RABGAP1: variants seen among roughly 807,000 people sequenced by gnomAD.
RABGAP1 encodes the protein rab GTPase-activating protein 1.
In RABGAP1, 23 loss-of-function variants were observed where a neutral mutation model predicts 137.6. The observed-to-expected ratio is 0.17, with a 90% CI of 0.12 to 0.24. The LOEUF (loss-of-function observed/expected upper bound fraction) is 0.24, where lower values mean the gene tolerates loss of function less well. RABGAP1 is among the 10% of genes least tolerant of loss of function. The probability of loss-of-function intolerance (pLI) is 1.00; values close to 1 mark genes in which losing one functional copy is unlikely to be tolerated. For missense variants in RABGAP1, 906 were observed against 1,275.8 expected (o/e 0.71, Z 4.42); for synonymous variants, 451 against 450.7 (o/e 1.00, Z -0.01).
chr9:122,973,776 G>A (rs1400243326), intron 2 of RABGAP1, among the ~76,000 whole-genome samples: 6 of 151,818 alleles, frequency 4.0e-5, no homozygotes, highest in South Asian at 2.1e-4. Context: ...TTGGGAGGCC[G>A]AGGCGGGCAG....
chr9:122,968,204 A>G (rs1304019821), intron 2 of RABGAP1, among the ~76,000 whole-genome samples: 1 of 151,630 alleles, frequency 6.6e-6, no homozygotes, highest in Non-Finnish European at 1.5e-5. Flanking sequence ...TTGTGTTACA[A>G]ACAATTCAAT....
chr9:122,986,996 G>T (rs533289480), intron 4 of RABGAP1, among the ~76,000 whole-genome samples: 1 of 151,992 alleles, frequency 6.6e-6, no homozygotes, highest in Admixed American at 6.6e-5. Flanking sequence ...AATTAGCCAC[G>T]CATGGTCATA....
Position 122,986,307 on chromosome 9 carries a change from G to A in RABGAP1, c.478G>A (p.Ala160Thr), listed in dbSNP as rs764830518. 17 of 1,614,104 alleles carry A rather than the reference G, an allele frequency of 1.1e-5. No individual in the cohort carries two copies. Among genetic ancestry groups the A allele is most frequent in the Admixed American group, 1.7e-5 (1 of 60,024 alleles). Residue 160 changes from alanine (A) to threonine (T), a missense_variant, in exon 4 of 26, where the codon GCT becomes ACT. By Grantham distance (58) the Ala-to-Thr change is moderately conservative. This residue lies in a region of RABGAP1 where 331 missense variants were observed against 358.3 expected (regional missense o/e 0.92). Transcript: ENST00000373647. ...LTYLGCASVNAPRSEVEALRM... is the reference protein window; with the variant it reads ...LTYLGCASVNTPRSEVEALRM... ...TTACTTAGGCTGTGCCTCGGTAAAT[G>A]CTCCCAGGAGTGAAGTGGAAGCCTT... is the stretch of plus-strand genomic sequence containing the variant.
intron 6 of RABGAP1, among the ~76,000 whole-genome samples, chr9:122,991,459 A>G (rs1836715779): frequency 6.6e-6 from 1 of 152,152 alleles, no homozygotes. Flanking sequence ...AAAAACTGAT[A>G]ATTTTTAGTC....
At position 122,990,190 on chromosome 9, in the gene RABGAP1, A is replaced by T; in HGVS notation, c.900A>T (p.Glu300Asp). 1 of 1,609,658 alleles carries T rather than the reference A, an allele frequency of 6.2e-7. No homozygotes were observed. ...FTFSVSLEIK[E>D]DDGKGYFSAV... is the part of the protein sequence containing the mutation. The stretch of plus-strand genomic sequence containing the variant: ...TCTCTGTGTCTTTAGAAATAAAAGA[A>T]GATGATGGTAAAGGTTATTTTAGGT... Residue 300 changes from glutamate to aspartate, a missense_variant, in exon 6 of 26, where the codon GAA (glutamate) becomes GAT (aspartate). Glu to Asp is a conservative substitution (Grantham distance 45). This residue lies in a region of RABGAP1 where 331 missense variants were observed against 358.3 expected (regional missense o/e 0.92). Transcript: ENST00000373647.
intron 21 of RABGAP1, among the ~76,000 whole-genome samples, chr9:123,095,512 C>T (rs2035156251): frequency 6.6e-6 from 1 of 152,086 alleles, no homozygotes; most frequent in African/African-American, 2.4e-5. Context: ...CCAGCCTGGG[C>T]AATATAGCAA....
chr9:122,940,572 TCAGTAAATGCCAGGTGAATTTTATTACA>T (rs1323363701), upstream of RABGAP1, among the ~76,000 whole-genome samples: 1 of 152,204 alleles, frequency 6.6e-6, no homozygotes, highest in East Asian at 1.9e-4. Context: ...CCGTGCGCCC[TCAGTAAATGCCAGGTGAATTTTATTACA>T]CTGTGAAGTA....
intron 13 of RABGAP1, chr9:123,029,561 T>C: frequency 1.3e-6 from 1 of 763,304 alleles, no homozygotes; most frequent in Non-Finnish European, 2.4e-6. Context: ...TATAAGTTTA[T>C]AGTTGGGAAC....
intron 17 of RABGAP1, 38 bp from the exon 18 acceptor site, chr9:123,076,207 A>G (rs779857906): frequency 6.3e-7 from 1 of 1,593,850 alleles, no homozygotes; most frequent in Non-Finnish European, 8.6e-7. Flanking sequence ...GTCGAGATAT[A>G]AAAACTGACA....
chr9:123,058,244 T>C (rs932244191), intron 13 of RABGAP1, among the ~76,000 whole-genome samples: 1 of 152,302 alleles, frequency 6.6e-6, no homozygotes, highest in Non-Finnish European at 1.5e-5. Flanking sequence ...GGTATAATAG[T>C]GTGACAGGTT....
intron 10 of RABGAP1, among the ~76,000 whole-genome samples, chr9:123,005,318 A>G (rs1272636534): frequency 6.7e-6 from 1 of 148,996 alleles, no homozygotes; most frequent in African/African-American, 2.5e-5. Context: ...TTTTGAATAT[A>G]TAAAATACTT....
intron 10 of RABGAP1, among the ~76,000 whole-genome samples, chr9:123,007,981 T>C (rs901141380): frequency 4.0e-5 from 6 of 149,856 alleles, no homozygotes; most frequent in Admixed American, 3.3e-4. Flanking sequence ...ATATGTATAA[T>C]TTAATATATA....
chr9:123,005,474 T>C (rs2030160263), intron 10 of RABGAP1, among the ~76,000 whole-genome samples: 7 of 152,244 alleles, frequency 4.6e-5, no homozygotes, highest in Admixed American at 4.6e-4. Context: ...ATTCTGTATA[T>C]TTTTAACTTC....
At chr9:123,013,029 A>G (rs539180866) in intron 11 of RABGAP1, among the ~76,000 whole-genome samples, 1 of 152,324 alleles carries the variant, frequency 6.6e-6, no homozygotes, top group Admixed American at 6.5e-5. Context: ...TGAAACTGAG[A>G]TGCTTGTCCT....
In RABGAP1 at chr9:123,104,656, A is replaced by T. The variant is rs1465749073; in HGVS notation, c.*1443A>T. 6.6e-6 allele frequency: 1 copy of T among 152,362 alleles called. No homozygotes were observed. The highest frequency in any genetic ancestry group is 1.5e-5 in the Non-Finnish European group (1 of 68,220). 9.4% of individuals were successfully genotyped at this position (152,362 alleles called of 1,614,324 possible). On this transcript the variant is annotated 3_prime_UTR_variant, in exon 26 of 26. Coordinates refer to ENST00000373647, the MANE Select transcript of RABGAP1 (RefSeq NM_012197.4). ...ACAAGTGGCAACCCCCTCCCCACCA[A>T]CCATCCCCTTTGCTGCTTTCTGTGT...
At chr9:123,082,531 T>C (rs2034741694) in intron 19 of RABGAP1, among the ~76,000 whole-genome samples, 1 of 152,244 alleles carries the variant, frequency 6.6e-6, no homozygotes, top group South Asian at 2.1e-4. Context: ...TTCATGTCTG[T>C]ATAGGCATTT....
At chr9:123,089,108 A>G (rs918387881) in intron 19 of RABGAP1, among the ~76,000 whole-genome samples, 4 of 152,274 alleles carry the variant, frequency 2.6e-5, no homozygotes, top group African/African-American at 9.6e-5. Context: ...ATGGGGTGAG[A>G]GGGCATCTAA....
chr9:123,048,060 C>T (rs1184940738), intron 13 of RABGAP1, among the ~76,000 whole-genome samples: 1 of 151,018 alleles, frequency 6.6e-6, no homozygotes, highest in Non-Finnish European at 1.5e-5. Context: ...CTGCCTTAGC[C>T]TCCTGAGAAG....
At chr9:123,089,655 C>G (rs2034977880) in intron 19 of RABGAP1, 103 bp from the exon 20 acceptor site, 1 of 839,736 alleles carries the variant, frequency 1.2e-6, no homozygotes. Flanking sequence ...TCCATAATGA[C>G]TGAGATTGCC....
Sources: allele counts gnomAD v4.1 joint callset (sites outside exome capture counted in the v4.1 genomes callset), GRCh38; gene constraint gnomAD v4.1.1; regional missense constraint gnomAD v4.1.1; transcripts MANE v1.5; gene names NCBI Gene and HGNC (gene_info 2026-07-23, HGNC 2026-07-21).